Variants in CACNA2D3 observed in about 807,000 individuals in gnomAD.
CACNA2D3 encodes the protein voltage-dependent calcium channel subunit alpha-2/delta-3.
A neutral mutation model predicts 160.6 loss-of-function variants in CACNA2D3; 60 were observed. The observed-to-expected ratio is 0.37, with a 90% CI of 0.30 to 0.46. The LOEUF is 0.46. CACNA2D3 is among the 20% of genes least tolerant of loss of function. The pLI is 1.00. For missense variants in CACNA2D3, 1,205 were observed against 1,365.0 expected, an observed-to-expected ratio of 0.88 and a Z score of 1.85; for synonymous variants, 558 against 492.9, an observed-to-expected ratio of 1.13 and a Z score of -1.75.
At position 54,243,249 on chromosome 3, in the gene CACNA2D3, C is replaced by T. The variant is rs748617886; in HGVS notation, c.205-77193C>T. Among the ~76,000 whole-genome samples the T allele has an allele frequency of 3.9e-5, 6 of 152,260 alleles. No individual in the cohort carries two copies. The East Asian group carries it at 7.7e-4, about 20-fold the overall frequency. ...AAGACAAGGGGTGGTGTGGGAGACC[C>T]GCGATTGCGTGGGCTGTCAAATGTT... On this transcript the variant is annotated intron_variant, in intron 2 of 37. Coordinates refer to ENST00000474759, the MANE Select transcript of CACNA2D3 (RefSeq NM_018398.3).
chr3:54,554,868 CTCTTTTT>C (rs1334798434), intron 5 of CACNA2D3, among the ~76,000 whole-genome samples: 1 of 88,172 alleles, frequency 1.1e-5, no homozygotes, highest in African/African-American at 5.0e-5. Flanking sequence ...CTCTCTCACT[CTCTTTTT>C]TTTTTTTTTT....
chr3:54,742,185 G>A lies in CACNA2D3; in HGVS notation c.1168-10414G>A, dbSNP rs1041732082. 4.6e-5 allele frequency among the ~76,000 whole-genome samples: 7 copies of A among 152,278 alleles called. No individual in the cohort carries two copies. In the South Asian group the frequency reaches 1.4e-3, roughly 32 times the overall value. On this transcript the variant is annotated intron_variant, in intron 11 of 37. Transcript: ENST00000474759. ...TATAATCCCAGCACTTTGGGAAGTCGAGGCGAGTTGATCACATGAGCCCAG... is the reference window on the plus strand; with the variant it reads ...TATAATCCCAGCACTTTGGGAAGTCAAGGCGAGTTGATCACATGAGCCCAG...
chr3:54,249,749 C>A (rs560325531), intron 2 of CACNA2D3, among the ~76,000 whole-genome samples: 93 of 144,252 alleles, frequency 6.4e-4, no homozygotes, highest in Admixed American at 1.1e-3. Context: ...ATTCAACATT[C>A]TATACCAAAA....
rs372657321 is a variant in CACNA2D3 at position 55,073,900 on chromosome 3, A to C, written c.3183+41A>C. The C allele has an allele frequency of 5.0e-5, 76 of 1,517,488 alleles. 1 individual carries two copies. The African/African-American group carries it at 8.5e-4, about 17-fold the overall frequency. 94.0% of individuals were successfully genotyped at this position (1,517,488 alleles called of 1,614,324 possible). The stretch of plus-strand genomic sequence containing the variant: ...GTTCCTGTTTCCTTTTCCCATCAGA[A>C]TCACCACGAGAGTCTCACACTGGTC... On this transcript the variant is annotated intron_variant, in intron 37 of 37. Transcript: ENST00000474759.
chr3:54,728,087 TG>T (rs1189733768), intron 11 of CACNA2D3, among the ~76,000 whole-genome samples: 11 of 152,224 alleles, frequency 7.2e-5, no homozygotes, highest in Non-Finnish European at 1.6e-4. Flanking sequence ...TTATTTTACT[TG>T]GAGTGTGTAT....
intron 3 of CACNA2D3, among the ~76,000 whole-genome samples, chr3:54,350,959 CTT>C (rs1346763939): frequency 1.0e-5 from 1 of 98,522 alleles, no homozygotes; most frequent in Non-Finnish European, 2.2e-5. Flanking sequence ...ATTTTGAGAT[CTT>C]GAGTCTGTTT....
chr3:54,705,201 C>G (rs1435133718), intron 11 of CACNA2D3, among the ~76,000 whole-genome samples: 1 of 152,194 alleles, frequency 6.6e-6, no homozygotes, highest in Non-Finnish European at 1.5e-5. Context: ...ATATCAATTT[C>G]AATTCTTTGG....
At chr3:54,608,238 A>G (rs1373202045) in intron 9 of CACNA2D3, among the ~76,000 whole-genome samples, 1 of 152,246 alleles carries the variant, frequency 6.6e-6, no homozygotes, top group African/African-American at 2.4e-5. Context: ...TGAATATTAT[A>G]CTACAATAAA....
chr3:54,662,153 G>A (rs1175001848), intron 11 of CACNA2D3, among the ~76,000 whole-genome samples: 1 of 151,858 alleles, frequency 6.6e-6, no homozygotes, highest in Non-Finnish European at 1.5e-5. Flanking sequence ...CTGATAGGAA[G>A]TTCCTTCTGT....
At chr3:54,959,735 G>A (rs1013350838) in intron 27 of CACNA2D3, among the ~76,000 whole-genome samples, 2 of 152,142 alleles carry the variant, frequency 1.3e-5, no homozygotes, top group African/African-American at 4.8e-5. Flanking sequence ...GGTTGAAAGG[G>A]TGGGAATTGA....
chr3:54,165,828 A>AGCTGAT (rs1344480499), intron 2 of CACNA2D3, among the ~76,000 whole-genome samples: 1 of 152,076 alleles, frequency 6.6e-6, no homozygotes, highest in East Asian at 1.9e-4. Context: ...GAAGAAACAA[A>AGCTGAT]GCTGATTCTG....
chr3:54,548,634 C>T (rs992834868), intron 5 of CACNA2D3, among the ~76,000 whole-genome samples: 4 of 152,194 alleles, frequency 2.6e-5, no homozygotes, highest in African/African-American at 7.2e-5. Flanking sequence ...CTTCCAGTTA[C>T]AAAAACCAAG....
chr3:54,330,488 A>C (rs1303366856), intron 3 of CACNA2D3, among the ~76,000 whole-genome samples: 1 of 152,142 alleles, frequency 6.6e-6, no homozygotes, highest in African/African-American at 2.4e-5. Flanking sequence ...TTCCTACCTC[A>C]AGCAGGTGTT....
chr3:54,239,916 C>T (rs1701944945), intron 2 of CACNA2D3, among the ~76,000 whole-genome samples: 2 of 152,212 alleles, frequency 1.3e-5, no homozygotes, highest in Non-Finnish European at 2.9e-5. Flanking sequence ...AATAAAATCA[C>T]TTTACACTAG....
chr3:55,001,392 A>G (rs373179664), intron 31 of CACNA2D3, among the ~76,000 whole-genome samples: 2 of 152,242 alleles, frequency 1.3e-5, no homozygotes, highest in East Asian at 3.9e-4. Flanking sequence ...ACCAATACTT[A>G]TAACAGCAGC....
At chr3:54,778,906 T>C (rs1373192427) in intron 13 of CACNA2D3, among the ~76,000 whole-genome samples, 2 of 152,168 alleles carry the variant, frequency 1.3e-5, no homozygotes, top group African/African-American at 4.8e-5. Context: ...ACTGGGCTTC[T>C]CTCTCAGGTA....
chr3:54,421,907 A>G (rs1359621601), intron 4 of CACNA2D3, among the ~76,000 whole-genome samples: 2 of 152,132 alleles, frequency 1.3e-5, no homozygotes, highest in Non-Finnish European at 2.9e-5. Flanking sequence ...TGTTTCCAAC[A>G]GCAGGTGGGC....
chr3:54,299,119 A>G (rs1559914180), intron 2 of CACNA2D3, among the ~76,000 whole-genome samples: 1 of 151,920 alleles, frequency 6.6e-6, no homozygotes. Flanking sequence ...GTACCTTTTG[A>G]TACCTCACTG....
At chr3:54,447,531 G>A (rs563152876) in intron 4 of CACNA2D3, among the ~76,000 whole-genome samples, 1 of 152,338 alleles carries the variant, frequency 6.6e-6, no homozygotes, top group East Asian at 1.9e-4. Flanking sequence ...ATGTGATGTG[G>A]CAGGGCCTTT....
Sources: allele counts gnomAD v4.1 joint callset (sites outside exome capture counted in the v4.1 genomes callset), GRCh38; gene constraint gnomAD v4.1.1; transcripts MANE v1.5; gene names NCBI Gene and HGNC (gene_info 2026-07-23, HGNC 2026-07-21).